RAB43: variants seen among roughly 807,000 people sequenced by gnomAD.
RAB43 encodes the protein RAB43, member RAS oncogene family.
A neutral mutation model predicts 18.8 loss-of-function variants in RAB43; 6 were observed. The ratio of observed to expected loss-of-function variants is 0.32; its 90% CI spans 0.17 to 0.63. The LOEUF (loss-of-function observed/expected upper bound fraction) is 0.63, where lower values mean the gene tolerates loss of function less well. Among genes scored for constraint, RAB43 ranks in the 30% least tolerant of loss-of-function variants. The pLI is 0.79. For missense variants in RAB43, 195 were observed against 289.1 expected (o/e 0.67, Z 2.36); for synonymous variants, 103 against 124.1 (o/e 0.83, Z 1.13).
At chr3:129,102,238 G>A (rs950440574) in intron 1 of RAB43, among the ~76,000 whole-genome samples, 4 of 152,164 alleles carry the variant, frequency 2.6e-5, no homozygotes, top group Non-Finnish European at 5.9e-5. Context: ...CCTTCTCCAG[G>A]TCAGTCTCCA....
At chr3:129,111,616 C>A (rs1173543471) in intron 1 of RAB43, among the ~76,000 whole-genome samples, 2 of 151,666 alleles carry the variant, frequency 1.3e-5, no homozygotes, top group African/African-American at 4.8e-5. Context: ...CTCATGCAGC[C>A]AACACATGTT....
At chr3:129,096,951 A>G (rs1303471111) in intron 1 of RAB43, among the ~76,000 whole-genome samples, 1 of 152,122 alleles carries the variant, frequency 6.6e-6, no homozygotes, top group Non-Finnish European at 1.5e-5. Context: ...CATCTCTACT[A>G]AAAATACAAA....
intron 1 of RAB43, among the ~76,000 whole-genome samples, chr3:129,114,703 GAACA>G: frequency 6.6e-6 from 1 of 152,138 alleles, no homozygotes; most frequent in East Asian, 1.9e-4. Context: ...GCTAAACAAC[GAACA>G]AGAGGAAAGC....
chr3:129,095,750 C>G lies in RAB43; in HGVS notation c.205-581G>C, dbSNP rs546921744. Among the ~76,000 whole-genome samples the G allele has an allele frequency of 1.3e-5, 2 of 152,350 alleles. No individual in the cohort carries two copies. The highest frequency in any genetic ancestry group is 4.1e-4 in the South Asian group (2 of 4,832). Reference sequence around the variant, plus strand: ...AGGCAGTTTCCACCAGCTGACCCAGCTTGGCCAAAGCAAGGAGCTTTGGCC... The same window carrying G: ...AGGCAGTTTCCACCAGCTGACCCAGGTTGGCCAAAGCAAGGAGCTTTGGCC... On this transcript the variant is annotated intron_variant, in intron 1 of 2. Coordinates refer to ENST00000315150, the MANE Select transcript of RAB43 (RefSeq NM_198490.3). The surrounding 1 kb of genome is among the most constrained non-coding windows in gnomAD (Gnocchi z 4.2).
chr3:129,109,829 G>A (rs1236652615), intron 1 of RAB43, among the ~76,000 whole-genome samples: 2 of 151,790 alleles, frequency 1.3e-5, no homozygotes, highest in Non-Finnish European at 2.9e-5. Context: ...TTTGGAATGG[G>A]CAATGAGGAG....
Position 129,095,073 on chromosome 3 carries a change from T to C in RAB43, c.301A>G (p.Thr101Ala). 3 of 1,613,948 alleles carry C rather than the reference T, an allele frequency of 1.9e-6. No homozygotes were observed. The highest frequency in any genetic ancestry group is 2.5e-6 in the Non-Finnish European group (3 of 1,179,930). ...ANGAILAYDITKRSSFLSVPH... is the reference protein window; with the variant it reads ...ANGAILAYDIAKRSSFLSVPH... ...ACCGACAGGAAGGAGCTCCTCTTGGTGATGTCGTAGGCAAGGATGGCCCCA... is the reference window on the plus strand; with the variant it reads ...ACCGACAGGAAGGAGCTCCTCTTGGCGATGTCGTAGGCAAGGATGGCCCCA... Residue 101 changes from threonine (T) to alanine (A), a missense_variant, in exon 2 of 3, where the codon ACC (threonine) becomes GCC (alanine). Physicochemically the swap from Thr to Ala is moderately conservative, Grantham distance 58. Coordinates refer to ENST00000315150, the MANE Select transcript of RAB43 (RefSeq NM_198490.3). The surrounding 1 kb of genome is among the most constrained non-coding windows in gnomAD (Gnocchi z 4.2).
rs77874707 is a variant in RAB43 at position 129,099,932 on chromosome 3, G to T, written c.205-4763C>A. ...TCACATAATTGCAGTTCCAGGAAAA[G>T]ATAGTGATAATGGGGGAAGAATACT... On this transcript the variant is annotated intron_variant, in intron 1 of 2. Coordinates refer to ENST00000315150, the MANE Select transcript of RAB43 (RefSeq NM_198490.3). 7.7e-3 allele frequency among the ~76,000 whole-genome samples: 1,174 copies of T among 152,272 alleles called. 23 individuals carry two copies. The highest frequency in any genetic ancestry group is 0.028 in the African/African-American group (1,145 of 41,542).
At chr3:129,104,201 C>T (rs1934608929) in intron 1 of RAB43, among the ~76,000 whole-genome samples, 1 of 152,136 alleles carries the variant, frequency 6.6e-6, no homozygotes, top group African/African-American at 2.4e-5. Flanking sequence ...TTTCACTGCC[C>T]AGGGGACATA....
intron 2 of RAB43, among the ~76,000 whole-genome samples, chr3:129,094,451 C>A (rs1251582372): frequency 6.8e-6 from 1 of 147,236 alleles, no homozygotes; most frequent in African/African-American, 2.5e-5. Context: ...AACAGCAGAG[C>A]AAACTTCAGC....
rs1324156934 is a variant in RAB43, at chr3:129,090,993, G to A, written c.*103C>T. The A allele has an allele frequency of 6.2e-6, 4 of 647,146 alleles. No individual in the cohort carries two copies. The highest frequency in any genetic ancestry group is 1.1e-5 in the Non-Finnish European group (4 of 378,362). 40.1% of individuals were successfully genotyped at this position (647,146 alleles called of 1,614,324 possible). ...AGCTCCAGAGCTTCACCCGGCTGCT[G>A]TAGTTGCCGGTACCCAGGAGGGCTG... On this transcript the variant is annotated 3_prime_UTR_variant, in exon 3 of 3. Coordinates refer to ENST00000315150, the MANE Select transcript of RAB43 (RefSeq NM_198490.3).
Position 129,114,839 on chromosome 3 carries a change from C to G in RAB43, c.204+6447G>C, listed in dbSNP as rs548904158. Among the ~76,000 whole-genome samples the G allele has an allele frequency of 1.0e-3, 156 of 152,310 alleles. 1 individual carries two copies. Among genetic ancestry groups the G allele is most frequent in the Non-Finnish European group, 1.9e-3 (130 of 68,034 alleles). On this transcript the variant is annotated intron_variant, in intron 1 of 2. Coordinates refer to ENST00000315150, the MANE Select transcript of RAB43 (RefSeq NM_198490.3). ...TTGGGGTCACTGTATAGCTCTATTT[C>G]TAGTACGAGCATAGCCACAGGGGCC...
In RAB43 at chr3:129,095,109, G is replaced by C. The variant is rs766032888; in HGVS notation, c.265C>G (p.Arg89Gly). The change falls in exon 2 of 3, where the codon CGC becomes GGC. Residue 89 changes from arginine (R) to glycine (G), a missense_variant. Arg to Gly is a moderately radical substitution (Grantham distance 125, BLOSUM62 -2). Coordinates refer to ENST00000315150, the MANE Select transcript of RAB43 (RefSeq NM_198490.3). The surrounding 1 kb of genome is among the most constrained non-coding windows in gnomAD (Gnocchi z 4.2). ...GCAAGGATGGCCCCATTGGCACTGC[G>C]GTAGTAGCTCTGGGTGATGGTGCGG... Reference protein sequence around the residue: ...RFRTITQSYYRSANGAILAYD... With the variant: ...RFRTITQSYYGSANGAILAYD... 1 of 1,613,936 alleles carries C rather than the reference G, an allele frequency of 6.2e-7. No homozygotes were observed. Among genetic ancestry groups the C allele is most frequent in the Non-Finnish European group, 8.5e-7 (1 of 1,179,924 alleles).
chr3:129,119,231 G>A (rs989332399), intron 1 of RAB43, among the ~76,000 whole-genome samples: 2 of 152,156 alleles, frequency 1.3e-5, no homozygotes, highest in Admixed American at 6.5e-5. Flanking sequence ...CTGCGGCAGC[G>A]GACCCCAGGA....
intron 1 of RAB43, among the ~76,000 whole-genome samples, chr3:129,105,948 A>G (rs1204654414): frequency 1.3e-5 from 2 of 152,172 alleles, no homozygotes; most frequent in Non-Finnish European, 2.9e-5. Flanking sequence ...GGCACCATCA[A>G]TACTTGCACA....
At chr3:129,105,848 C>T (rs1395738366) in intron 1 of RAB43, among the ~76,000 whole-genome samples, 2 of 152,040 alleles carry the variant, frequency 1.3e-5, no homozygotes, top group East Asian at 1.9e-4. Context: ...AAATTGACCT[C>T]GGGCTACCAC....
intron 1 of RAB43, among the ~76,000 whole-genome samples, chr3:129,105,398 A>G (rs1934705842): frequency 6.6e-6 from 1 of 152,198 alleles, no homozygotes; most frequent in African/African-American, 2.4e-5. Flanking sequence ...GGTTGCAGTG[A>G]GCCGAGATCG....
At chr3:129,092,495 C>T (rs1463610816) in intron 2 of RAB43, 4 of 700,516 alleles carry the variant, frequency 5.7e-6, no homozygotes, top group East Asian at 5.4e-5. Flanking sequence ...GATATAGTGG[C>T]TCACACCTGT....
At chr3:129,094,095 A>G (rs1380377963) in intron 2 of RAB43, among the ~76,000 whole-genome samples, 1 of 152,236 alleles carries the variant, frequency 6.6e-6, no homozygotes, top group Non-Finnish European at 1.5e-5. Context: ...TCCTTGGACC[A>G]GCAAGGTGGG....
At position 129,112,218 on chromosome 3, in the gene RAB43, G is replaced by A. The variant is rs1935218143; in HGVS notation, c.204+9068C>T. Among the ~76,000 whole-genome samples the A allele has an allele frequency of 2.0e-5, 3 of 151,114 alleles. No individual in the cohort carries two copies. In the South Asian group the frequency reaches 6.2e-4, roughly 31 times the overall value. On this transcript the variant is annotated intron_variant, in intron 1 of 2. Transcript: ENST00000315150. The stretch of plus-strand genomic sequence containing the variant: ...TGCAGTAAGCTGAGATCATGCCACT[G>A]CACTCCATTCTGGGCAACCAGAGTG...
Sources: gnomAD v4.1 joint callset for allele counts (sites outside exome capture counted in the v4.1 genomes callset) on GRCh38, gnomAD v4.1.1 for gene constraint, Gnocchi (gnomAD v3.1) non-coding constraint, MANE v1.5 for transcripts, NCBI Gene and HGNC (gene_info 2026-07-23, HGNC 2026-07-21) for gene names.